Variants in NUP214 observed in about 807,000 individuals in gnomAD.
NUP214 encodes the protein nucleoporin 214.
A neutral mutation model predicts 196.2 loss-of-function variants in NUP214; 79 were observed. The ratio of observed to expected loss-of-function variants is 0.40; its 90% CI spans 0.34 to 0.49. NUP214 has a LOEUF of 0.49. Among genes scored for constraint, NUP214 ranks in the 20% least tolerant of loss-of-function variants. NUP214 has a pLI of 0.58. For synonymous variants in NUP214, 1,020 were observed against 990.5 expected (o/e 1.03, Z -0.56); for missense variants, 2,468 against 2,539.0 (o/e 0.97, Z 0.60).
intron 30 of NUP214, among the ~76,000 whole-genome samples, chr9:131,206,733 C>T (rs928714637): frequency 2.0e-5 from 3 of 152,164 alleles, no homozygotes; most frequent in Non-Finnish European, 4.4e-5. Context: ...GCATGAGACA[C>T]CATACCTGGT....
intron 21 of NUP214, 94 bp from the exon 22 acceptor site, chr9:131,173,961 T>G: frequency 7.2e-7 from 1 of 1,389,126 alleles, no homozygotes; most frequent in Non-Finnish European, 9.9e-7. Flanking sequence ...TTTTACAAGT[T>G]GAGTATTTTT....
intron 24 of NUP214, among the ~76,000 whole-genome samples, chr9:131,183,067 AT>A (rs1186762873): frequency 6.6e-6 from 1 of 152,196 alleles, no homozygotes; most frequent in Non-Finnish European, 1.5e-5. Context: ...ATACATTGTT[AT>A]AAACAGTTGA....
chr9:131,155,775 A>G (rs1316271334), intron 17 of NUP214, among the ~76,000 whole-genome samples: 1 of 152,106 alleles, frequency 6.6e-6, no homozygotes, highest in Non-Finnish European at 1.5e-5. Context: ...GCTTTGTTGA[A>G]GATCAGTTGG....
chr9:131,144,224 T>C, intron 11 of NUP214, 56 bp from the exon 12 acceptor site: 3 of 1,328,816 alleles, frequency 2.3e-6, no homozygotes, highest in East Asian at 2.3e-5. Flanking sequence ...CTTTCTATTA[T>C]GTGAACCTCC....
Position 131,197,211 on chromosome 9 carries a change from G to A in NUP214, c.3722-5G>A. On this transcript the variant is annotated splice_polypyrimidine_tract_variant and splice_region_variant and intron_variant, in intron 28 of 35. Transcript: ENST00000359428. ...ACCCATTTTCTGATTTCTTTTTCTT[G>A]CTAGGGGCAACACCCTCCACTAAAG... 2 of 1,608,264 alleles carry A rather than the reference G, an allele frequency of 1.2e-6. No homozygotes were observed. Among genetic ancestry groups the A allele is most frequent in the Non-Finnish European group, 1.7e-6 (2 of 1,175,824 alleles).
At chr9:131,176,048 T>A (rs941283501) in intron 23 of NUP214, among the ~76,000 whole-genome samples, 2 of 152,126 alleles carry the variant, frequency 1.3e-5, no homozygotes, top group Non-Finnish European at 2.9e-5. Context: ...CTGGGCATAG[T>A]GACTCATGCC....
intron 30 of NUP214, among the ~76,000 whole-genome samples, chr9:131,211,310 T>A (rs908613447): frequency 1.3e-5 from 2 of 152,246 alleles, no homozygotes; most frequent in African/African-American, 4.8e-5. Flanking sequence ...AATGTCTCTT[T>A]TTCTTTTTAC....
chr9:131,206,141 C>CTTTTTTTTTTTTTTTTTTTTTTTTT (rs1588166866), intron 30 of NUP214, among the ~76,000 whole-genome samples: 1 of 23,872 alleles, frequency 4.2e-5, no homozygotes, highest in Non-Finnish European at 8.2e-5. Context: ...GAATTTTTTT[C>CTTTTTTTTTTTTTTTTTTTTTTTTT]TTTTTTCTTT....
intron 24 of NUP214, among the ~76,000 whole-genome samples, chr9:131,186,583 G>T (rs990402163): frequency 1.3e-5 from 2 of 152,130 alleles, no homozygotes; most frequent in Admixed American, 6.5e-5. Context: ...AAAAATTGCC[G>T]CTAGGAGCCA....
At chr9:131,162,342 A>G (rs1428099280) in intron 18 of NUP214, among the ~76,000 whole-genome samples, 6 of 152,174 alleles carry the variant, frequency 3.9e-5, no homozygotes. Flanking sequence ...TATATGTATG[A>G]TTTTTCCTAT....
intron 4 of NUP214, among the ~76,000 whole-genome samples, chr9:131,130,137 G>GTTTTTTTTTCTTTTT (rs1831491538): frequency 2.6e-5 from 2 of 76,894 alleles, no homozygotes; most frequent in Non-Finnish European, 4.6e-5. Context: ...TTCTGGTTTT[G>GTTTTTTTTTCTTTTT]TTTTTTTTTT....
chr9:131,174,851 A>C (rs1833071001), intron 22 of NUP214, among the ~76,000 whole-genome samples: 1 of 152,196 alleles, frequency 6.6e-6, no homozygotes, highest in Admixed American at 6.5e-5. Context: ...GTGAGGAAGG[A>C]GATGGCTCTC....
At chr9:131,139,718 G>A (rs941134560) in intron 10 of NUP214, among the ~76,000 whole-genome samples, 3 of 152,182 alleles carry the variant, frequency 2.0e-5, no homozygotes, top group Non-Finnish European at 2.9e-5. Flanking sequence ...TTATGGCTTG[G>A]TTTCTTTGTC....
Position 131,127,577 on chromosome 9 carries a change from A to G in NUP214, c.99A>G (p.Glu33=), listed in dbSNP as rs771066658. The part of the protein sequence containing the change: ...KKVRIFDSPE[E]LPKERSSLLA... ...TGAGAATCTTTGACTCCCCTGAGGAATTGCCCAAGGAACGCTCGAGTCTGC... is the reference window on the plus strand; with the variant it reads ...TGAGAATCTTTGACTCCCCTGAGGAGTTGCCCAAGGAACGCTCGAGTCTGC... Residue 33 remains glutamate (E), a synonymous_variant, in exon 2 of 36, where the codon GAA becomes GAG. Coordinates refer to ENST00000359428, the MANE Select transcript of NUP214 (RefSeq NM_005085.4). The G allele has an allele frequency of 3.7e-6, 6 of 1,614,130 alleles. No individual in the cohort carries two copies. Among genetic ancestry groups the G allele is most frequent in the East Asian group, 2.2e-5 (1 of 44,884 alleles).
rs150981282 is a variant in NUP214, at chr9:131,147,352, A to G, written c.1946-138A>G. The G allele has an allele frequency of 6.2e-3, 4,078 of 662,628 alleles. 14 individuals are homozygous for G. The highest frequency in any genetic ancestry group is 8.8e-3 in the Non-Finnish European group (3,318 of 378,454). 41.0% of individuals were successfully genotyped at this position (662,628 alleles called of 1,614,324 possible). ...GAGGCTAGCACAACTGGTGGTCATCACTCTTTAAAATAAATCATGAAAGTG... is the reference window on the plus strand; with the variant it reads ...GAGGCTAGCACAACTGGTGGTCATCGCTCTTTAAAATAAATCATGAAAGTG... On this transcript the variant is annotated intron_variant, in intron 13 of 35. Coordinates refer to ENST00000359428, the MANE Select transcript of NUP214 (RefSeq NM_005085.4).
At chr9:131,152,354 C>T (rs1832297560) in intron 17 of NUP214, among the ~76,000 whole-genome samples, 1 of 152,108 alleles carries the variant, frequency 6.6e-6, no homozygotes. Flanking sequence ...CTCCTGGGGT[C>T]AAGCAGTCCT....
At chr9:131,126,706 C>T (rs956921778) in intron 1 of NUP214, among the ~76,000 whole-genome samples, 3 of 151,984 alleles carry the variant, frequency 2.0e-5, no homozygotes, top group Admixed American at 6.6e-5. Context: ...TGCCACCACG[C>T]CCCACTAATT....
chr9:131,131,263 G>C (rs1384608905), intron 5 of NUP214, among the ~76,000 whole-genome samples: 1 of 152,228 alleles, frequency 6.6e-6, no homozygotes, highest in African/African-American at 2.4e-5. Flanking sequence ...AACTGAGTCT[G>C]TCTTTAAAGG....
intron 21 of NUP214, among the ~76,000 whole-genome samples, chr9:131,166,050 A>G (rs1462971412): frequency 6.6e-6 from 1 of 152,230 alleles, no homozygotes; most frequent in African/African-American, 2.4e-5. Flanking sequence ...TGATTACACA[A>G]CAATGTGAAT....
Sources: allele counts gnomAD v4.1 joint callset (sites outside exome capture counted in the v4.1 genomes callset), GRCh38; gene constraint gnomAD v4.1.1; transcripts MANE v1.5; gene names NCBI Gene and HGNC (gene_info 2026-07-23, HGNC 2026-07-21).